Variants in PTPRD observed in about 807,000 individuals in gnomAD.
PTPRD encodes protein tyrosine phosphatase receptor type D.
A neutral mutation model predicts 214.5 loss-of-function variants in PTPRD; 34 were observed. The observed-to-expected ratio is 0.16, with a 90% CI of 0.12 to 0.21. The LOEUF (loss-of-function observed/expected upper bound fraction) is 0.21. PTPRD is among the 10% of genes least tolerant of loss of function. The probability of loss-of-function intolerance (pLI) is 1.00; values close to 1 mark genes in which losing one functional copy is unlikely to be tolerated. For synonymous variants in PTPRD, 1,128 were observed against 845.7 expected, an observed-to-expected ratio of 1.33 and a Z score of -5.79; for missense variants, 2,545 against 2,398.7, an observed-to-expected ratio of 1.06 and a Z score of -1.27.
intron 3 of PTPRD, among the ~76,000 whole-genome samples, chr9:10,322,934 G>A (rs1460283583): frequency 6.6e-6 from 1 of 151,898 alleles, no homozygotes; most frequent in Non-Finnish European, 1.5e-5. Flanking sequence ...TCTAATGTAT[G>A]GGAATGTTCA....
chr9:10,279,187 A>AGTGGAGGGATGAATTGG lies in PTPRD; in HGVS notation c.-545+61775_-545+61776insCCAATTCATCCCTCCAC, dbSNP rs1432957297. 3.5e-3 allele frequency among the ~76,000 whole-genome samples: 531 copies of AGTGGAGGGATGAATTGG among 152,266 alleles called. 5 individuals carry two copies. Among genetic ancestry groups the AGTGGAGGGATGAATTGG allele is most frequent in the African/African-American group, 0.012 (513 of 41,544 alleles). On this transcript the variant is annotated intron_variant, in intron 3 of 45. Transcript: ENST00000381196. ...TCATCCCTCCACTCTTGTCAGTAGT[A>AGTGGAGGGATGAATTGG]AGAACATATTAACAAGTGTAGTTCA... is the stretch of plus-strand genomic sequence containing the variant.
At chr9:8,584,912 C>T (rs921469923) in intron 14 of PTPRD, among the ~76,000 whole-genome samples, 7 of 152,086 alleles carry the variant, frequency 4.6e-5, no homozygotes, top group Non-Finnish European at 5.9e-5. Context: ...GAGCAAAGGG[C>T]GGGAAAAGTC....
intron 37 of PTPRD, among the ~76,000 whole-genome samples, chr9:8,383,530 C>G (rs2085871716): frequency 6.6e-6 from 1 of 152,156 alleles, no homozygotes; most frequent in Admixed American, 6.5e-5. Context: ...AACATTTGAT[C>G]TGCTTTACTA....
At chr9:8,615,254 C>T (rs189927060) in intron 14 of PTPRD, among the ~76,000 whole-genome samples, 39 of 152,030 alleles carry the variant, frequency 2.6e-4, no homozygotes, top group South Asian at 2.1e-4. Flanking sequence ...TGGGAGCCCA[C>T]GGCTCAGAGA....
At chr9:8,644,027 T>C (rs1259189854) in intron 12 of PTPRD, among the ~76,000 whole-genome samples, 2 of 152,158 alleles carry the variant, frequency 1.3e-5, no homozygotes, top group Non-Finnish European at 2.9e-5. Context: ...CCAGCTGGCA[T>C]GCACTTCATC....
intron 3 of PTPRD, among the ~76,000 whole-genome samples, chr9:10,257,841 G>A (rs146248106): frequency 1.3e-5 from 2 of 152,170 alleles, no homozygotes; most frequent in African/African-American, 2.4e-5. Flanking sequence ...AGATGCTAAT[G>A]GTCATATGCA....
chr9:9,572,611 A>G (rs944220365), intron 8 of PTPRD, among the ~76,000 whole-genome samples: 1 of 147,334 alleles, frequency 6.8e-6, no homozygotes, highest in Non-Finnish European at 1.5e-5. Flanking sequence ...GTATATATAT[A>G]TCATACATAT....
At chr9:9,416,351 T>A (rs1337861470) in intron 8 of PTPRD, among the ~76,000 whole-genome samples, 1 of 152,224 alleles carries the variant, frequency 6.6e-6, no homozygotes, top group African/African-American at 2.4e-5. Flanking sequence ...AGAATGTGAT[T>A]TGAGTCCCAG....
At chr9:10,209,725 A>C (rs1346528989) in intron 3 of PTPRD, among the ~76,000 whole-genome samples, 1 of 152,202 alleles carries the variant, frequency 6.6e-6, no homozygotes, top group African/African-American at 2.4e-5. Context: ...AAAAATAAAA[A>C]ACAGACAAAA....
chr9:9,055,250 G>C (rs913270323), intron 10 of PTPRD, among the ~76,000 whole-genome samples: 1 of 152,044 alleles, frequency 6.6e-6, no homozygotes, highest in Non-Finnish European at 1.5e-5. Context: ...GATGATTATA[G>C]TTAACAATAT....
chr9:9,367,471 T>C (rs997214323), intron 9 of PTPRD, among the ~76,000 whole-genome samples: 6 of 151,710 alleles, frequency 4.0e-5, no homozygotes, highest in East Asian at 1.9e-4. Context: ...TCTCTCCCAA[T>C]TGTAAGTAAA....
At chr9:8,486,534 AG>A in intron 27 of PTPRD, 185 bp from the exon 28 acceptor site, 1 of 714,578 alleles carries the variant, frequency 1.4e-6, no homozygotes, top group Non-Finnish European at 2.5e-6. Flanking sequence ...ACTTTATTAA[AG>A]TAGGCTGAGA....
intron 10 of PTPRD, among the ~76,000 whole-genome samples, chr9:9,100,473 TTTC>T (rs1272358624): frequency 6.6e-6 from 1 of 152,168 alleles, no homozygotes; most frequent in Non-Finnish European, 1.5e-5. Context: ...CACCCCCACA[TTTC>T]TTCTTCTATG....
At chr9:8,509,393 G>A (rs1165392479) in intron 21 of PTPRD, among the ~76,000 whole-genome samples, 1 of 152,098 alleles carries the variant, frequency 6.6e-6, no homozygotes, top group Non-Finnish European at 1.5e-5. Context: ...GCACACATAT[G>A]CCTATGTATG....
chr9:9,916,417 T>G (rs1470458767), intron 5 of PTPRD, among the ~76,000 whole-genome samples: 1 of 151,964 alleles, frequency 6.6e-6, no homozygotes, highest in Non-Finnish European at 1.5e-5. Context: ...ATCAATCAAA[T>G]GATAGGTGTA....
chr9:9,743,263 T>C (rs1036310757), intron 6 of PTPRD, among the ~76,000 whole-genome samples: 3 of 152,008 alleles, frequency 2.0e-5, no homozygotes, highest in African/African-American at 7.2e-5. Flanking sequence ...TGGAGGGAGG[T>C]AGCCATGTTA....
At chr9:9,120,320 G>C (rs1479420804) in intron 10 of PTPRD, among the ~76,000 whole-genome samples, 1 of 152,208 alleles carries the variant, frequency 6.6e-6, no homozygotes, top group East Asian at 1.9e-4. Flanking sequence ...TGCTGAATCA[G>C]TAATTACATG....
chr9:9,671,463 G>A (rs1478996207), intron 7 of PTPRD, among the ~76,000 whole-genome samples: 1 of 152,154 alleles, frequency 6.6e-6, no homozygotes, highest in African/African-American at 2.4e-5. Context: ...TTGGGGGACT[G>A]TTGGGGAGGC....
At chr9:9,807,921 A>G (rs182365008) in intron 5 of PTPRD, among the ~76,000 whole-genome samples, 6 of 152,266 alleles carry the variant, frequency 3.9e-5, no homozygotes, top group African/African-American at 1.4e-4. Flanking sequence ...AGCAGTTTTT[A>G]TATTGTATTT....
Sources: allele counts gnomAD v4.1 joint callset (sites outside exome capture counted in the v4.1 genomes callset), GRCh38; gene constraint gnomAD v4.1.1; transcripts MANE v1.5; gene names NCBI Gene and HGNC (gene_info 2026-07-23, HGNC 2026-07-21).